Variants in NAALADL2 observed in about 807,000 individuals in gnomAD.
NAALADL2 encodes the protein N-acetylated alpha-linked acidic dipeptidase like 2.
A neutral mutation model predicts 87.2 loss-of-function variants in NAALADL2; 76 were observed. The observed-to-expected ratio is 0.87, with a 90% CI of 0.72 to 1.05. The LOEUF (loss-of-function observed/expected upper bound fraction) is 1.05, where lower values mean the gene tolerates loss of function less well. NAALADL2 is among the 50% of genes least tolerant of loss of function. The probability of loss-of-function intolerance (pLI) is 0.00; values close to 1 mark genes in which losing one functional copy is unlikely to be tolerated. For synonymous variants in NAALADL2, 354 were observed against 331.0 expected (o/e 1.07, Z -0.75); for missense variants, 1,089 against 945.8 (o/e 1.15, Z -1.99).
At chr3:174,612,536 CTAAT>C (rs1477811912) in intron 2 of NAALADL2, among the ~76,000 whole-genome samples, 5 of 152,006 alleles carry the variant, frequency 3.3e-5, no homozygotes, top group African/African-American at 1.2e-4. Context: ...TTCAAGCTCA[CTAAT>C]TATTTCTTCT....
chr3:175,685,534 A>C (rs1736157420), intron 11 of NAALADL2, among the ~76,000 whole-genome samples: 1 of 151,740 alleles, frequency 6.6e-6, no homozygotes, highest in Non-Finnish European at 1.5e-5. Flanking sequence ...GGAGAGAAAA[A>C]GAGAGAGAGA....
intron 4 of NAALADL2, among the ~76,000 whole-genome samples, chr3:175,309,476 G>T (rs962684133): frequency 6.6e-6 from 1 of 151,908 alleles, no homozygotes; most frequent in African/African-American, 2.4e-5. Context: ...ATGAGCCACT[G>T]TGCCCAGCCC....
intron 1 of NAALADL2, among the ~76,000 whole-genome samples, chr3:174,979,552 G>GC (rs1380102194): frequency 6.6e-6 from 1 of 151,784 alleles, no homozygotes; most frequent in Non-Finnish European, 1.5e-5. Flanking sequence ...TGATCCGCCC[G>GC]CCTCGGCCTC....
At chr3:174,671,601 A>T (rs149952844) in intron 2 of NAALADL2, among the ~76,000 whole-genome samples, 1 of 152,104 alleles carries the variant, frequency 6.6e-6, no homozygotes, top group Non-Finnish European at 1.5e-5. Context: ...TTGAAGACTT[A>T]TGAAAATATG....
intron 2 of NAALADL2, among the ~76,000 whole-genome samples, chr3:174,705,725 G>A (rs924869636): frequency 6.7e-6 from 1 of 150,252 alleles, no homozygotes; most frequent in Non-Finnish European, 1.5e-5. Context: ...GGAGCTTGCA[G>A]TGAGCCGAGA....
intron 3 of NAALADL2, among the ~76,000 whole-genome samples, chr3:174,821,506 T>C (rs1032942979): frequency 6.6e-6 from 1 of 152,160 alleles, no homozygotes; most frequent in Non-Finnish European, 1.5e-5. Context: ...AATGTGATGT[T>C]TCTCATTTTA....
At chr3:175,125,143 T>G (rs922695429) in intron 2 of NAALADL2, among the ~76,000 whole-genome samples, 3 of 151,980 alleles carry the variant, frequency 2.0e-5, no homozygotes, top group Admixed American at 6.6e-5. Context: ...ATGGCTGTTG[T>G]GAAGTAAAAA....
intron 9 of NAALADL2, among the ~76,000 whole-genome samples, chr3:175,552,625 T>G (rs1714610576): frequency 6.6e-6 from 1 of 152,170 alleles, no homozygotes; most frequent in South Asian, 2.1e-4. Flanking sequence ...AGTCTTACAG[T>G]GCTATGTTGG....
chr3:174,764,157 G>T (rs1261678034), intron 3 of NAALADL2, among the ~76,000 whole-genome samples: 1 of 135,854 alleles, frequency 7.4e-6, no homozygotes, highest in East Asian at 2.1e-4. Context: ...CCAAAATTTG[G>T]ATTAAACATT....
chr3:175,077,409 G>T (rs1040069412), intron 1 of NAALADL2, among the ~76,000 whole-genome samples: 1 of 152,088 alleles, frequency 6.6e-6, no homozygotes, highest in African/African-American at 2.4e-5. Flanking sequence ...AACATCTGGA[G>T]CACCCAGTAT....
intron 3 of NAALADL2, among the ~76,000 whole-genome samples, chr3:174,777,419 G>C (rs1400353723): frequency 3.9e-5 from 6 of 152,118 alleles, no homozygotes; most frequent in Non-Finnish European, 7.4e-5. Context: ...TGTATTTCTA[G>C]TTGGAACCTA....
At chr3:175,241,969 C>T (rs1746994826) in intron 3 of NAALADL2, among the ~76,000 whole-genome samples, 1 of 141,966 alleles carries the variant, frequency 7.0e-6, no homozygotes, top group Non-Finnish European at 1.5e-5. Flanking sequence ...TCATGTGATT[C>T]TCTTGCCTCA....
chr3:174,693,605 G>A (rs942669694), intron 2 of NAALADL2, among the ~76,000 whole-genome samples: 2 of 152,006 alleles, frequency 1.3e-5, no homozygotes, highest in African/African-American at 2.4e-5. Context: ...CTTTAAGCAC[G>A]ATAAAAACAG....
chr3:175,738,941 TTTTA>T (rs369193518), intron 12 of NAALADL2, among the ~76,000 whole-genome samples: 162 of 152,314 alleles, frequency 1.1e-3, no homozygotes, highest in African/African-American at 3.4e-3. Context: ...TAAACAGTAA[TTTTA>T]TTTATTCTGT....
At chr3:174,760,255 C>T (rs1403718951) in intron 3 of NAALADL2, among the ~76,000 whole-genome samples, 7 of 152,156 alleles carry the variant, frequency 4.6e-5, no homozygotes, top group Admixed American at 4.6e-4. Context: ...TTCATGGCAC[C>T]ACACTGCCAT....
At chr3:175,664,554 A>C (rs1732696651) in intron 11 of NAALADL2, among the ~76,000 whole-genome samples, 1 of 152,076 alleles carries the variant, frequency 6.6e-6, no homozygotes, top group African/African-American at 2.4e-5. Flanking sequence ...ACACAGATTG[A>C]ACATCTGCTG....
intron 2 of NAALADL2, among the ~76,000 whole-genome samples, chr3:174,704,747 A>G (rs1165070877): frequency 6.6e-6 from 1 of 152,150 alleles, no homozygotes; most frequent in Non-Finnish European, 1.5e-5. Flanking sequence ...TACCCCATGG[A>G]TTAATTGGAT....
rs1263192023 is a variant in NAALADL2 at position 175,809,703 on chromosome 3, GA to G, written c.*6504del. On this transcript the variant is annotated 3_prime_UTR_variant, in exon 14 of 14. Coordinates refer to ENST00000454872, the MANE Select transcript of NAALADL2 (RefSeq NM_207015.3). ...GTAACAGAACCTATCTCAAAAAAAG[GA>G]AAAGAAAGTCACATGCTGTTGATAG... is the stretch of plus-strand genomic sequence containing the variant. 2.0e-5 allele frequency: 3 copies of G among 151,682 alleles called. No homozygotes were observed. The highest frequency in any genetic ancestry group is 1.9e-4 in the East Asian group (1 of 5,132). 9.4% of individuals were successfully genotyped at this position (151,682 alleles called of 1,614,324 possible). A position where few individuals can be genotyped will look rare whatever the true frequency, so the allele number is the denominator to read the frequency against.
intron 1 of NAALADL2, among the ~76,000 whole-genome samples, chr3:174,522,031 C>T (rs1187004927): frequency 1.3e-5 from 2 of 152,038 alleles, no homozygotes; most frequent in African/African-American, 4.8e-5. Context: ...CCCAGCAGTT[C>T]CAAGCTGCAG....
Sources: gnomAD v4.1 joint callset for allele counts (sites outside exome capture counted in the v4.1 genomes callset) on GRCh38, gnomAD v4.1.1 for gene constraint, MANE v1.5 for transcripts, NCBI Gene and HGNC (gene_info 2026-07-23, HGNC 2026-07-21) for gene names.